The following UQCC1 variants were observed in gnomAD, a reference collection of about 807,000 sequenced individuals.
The protein encoded by UQCC1 is bFGF-repressed Zic-binding protein.
A neutral mutation model predicts 48.0 loss-of-function variants in UQCC1; 38 were observed. The ratio of observed to expected loss-of-function variants is 0.79; its 90% CI spans 0.61 to 1.04. The LOEUF (loss-of-function observed/expected upper bound fraction) is 1.04. UQCC1 is among the 50% of genes least tolerant of loss of function. UQCC1 has a pLI of 0.00. For missense variants in UQCC1, 368 were observed against 381.8 expected, an observed-to-expected ratio of 0.96 and a Z score of 0.30; for synonymous variants, 111 against 129.2, an observed-to-expected ratio of 0.86 and a Z score of 0.95.
chr20:35,401,806 T>C (rs931765801), intron 1 of UQCC1, among the ~76,000 whole-genome samples: 2 of 151,612 alleles, frequency 1.3e-5, no homozygotes, highest in African/African-American at 2.4e-5. Flanking sequence ...GGATTACAGG[T>C]ATGCGCCACC....
At chr20:35,339,358 G>A (rs189570198) in intron 7 of UQCC1, among the ~76,000 whole-genome samples, 106 of 152,234 alleles carry the variant, frequency 7.0e-4, no homozygotes, top group African/African-American at 2.5e-3. Context: ...GAAGGGAGTG[G>A]CCAGATATAT....
intron 7 of UQCC1, among the ~76,000 whole-genome samples, chr20:35,332,669 A>G (rs1475994502): frequency 6.6e-6 from 1 of 152,252 alleles, no homozygotes; most frequent in Non-Finnish European, 1.5e-5. Flanking sequence ...CACACCAGAC[A>G]GGTTACAAAG....
Position 35,361,766 on chromosome 20 carries a change from G to T in UQCC1, c.464+4791C>A, listed in dbSNP as rs77773266. 3.9e-3 allele frequency among the ~76,000 whole-genome samples: 601 copies of T among 152,214 alleles called. 2 individuals are homozygous for T. Among genetic ancestry groups the T allele is most frequent in the African/African-American group, 0.013 (545 of 41,526 alleles). ...GCCCCTGATCCCTCATATGTAAAAT[G>T]AGAATAAAGTAGTTGTGAGCATGTG... On this transcript the variant is annotated intron_variant, in intron 6 of 9. Coordinates refer to ENST00000374385, the MANE Select transcript of UQCC1 (RefSeq NM_018244.5).
chr20:35,354,440 A>C, intron 6 of UQCC1, among the ~76,000 whole-genome samples: 1 of 147,876 alleles, frequency 6.8e-6, no homozygotes, highest in African/African-American at 2.5e-5. Flanking sequence ...TCTGTCGCCC[A>C]GGCTGGAGTG....
At chr20:35,372,401 A>G (rs1011144331) in intron 5 of UQCC1, among the ~76,000 whole-genome samples, 4 of 152,200 alleles carry the variant, frequency 2.6e-5, no homozygotes, top group African/African-American at 9.6e-5. Context: ...GGACTAACTT[A>G]TCCTAGACTA....
intron 4 of UQCC1, among the ~76,000 whole-genome samples, chr20:35,379,247 T>A (rs536614182): frequency 6.6e-6 from 1 of 152,252 alleles, no homozygotes; most frequent in Admixed American, 6.5e-5. Flanking sequence ...GAATAACACA[T>A]GAAACCTAAA....
intron 7 of UQCC1, among the ~76,000 whole-genome samples, chr20:35,330,457 T>G (rs2061244234): frequency 6.6e-6 from 1 of 152,218 alleles, no homozygotes; most frequent in Admixed American, 6.5e-5. Flanking sequence ...GCTTGGCAAT[T>G]CTGACCAGCT....
At chr20:35,407,680 G>A (rs1601044662) in intron 1 of UQCC1, among the ~76,000 whole-genome samples, 1 of 152,312 alleles carries the variant, frequency 6.6e-6, no homozygotes. Context: ...GAGGTCAGGA[G>A]TTCAAGACCC....
intron 1 of UQCC1, among the ~76,000 whole-genome samples, chr20:35,398,769 GCGGT>G (rs2062119187): frequency 4.0e-5 from 4 of 99,366 alleles, no homozygotes; most frequent in African/African-American, 1.8e-4. Flanking sequence ...GGGGGGGGGG[GCGGT>G]GCAGGGGGAG....
chr20:35,315,804 T>G (rs917980053), intron 7 of UQCC1, among the ~76,000 whole-genome samples: 1 of 152,134 alleles, frequency 6.6e-6, no homozygotes, highest in African/African-American at 2.4e-5. Context: ...GTGCATCACT[T>G]GAGCCTGGGA....
rs367765119 is a variant in UQCC1, at chr20:35,366,621, A to G, written c.407-7T>C. The G allele has an allele frequency of 3.0e-5, 48 of 1,612,404 alleles. No individual in the cohort carries two copies. In the African/African-American group the frequency reaches 5.9e-4, roughly 20 times the overall value. On this transcript the variant is annotated splice_region_variant and splice_polypyrimidine_tract_variant and intron_variant, in intron 5 of 9. Coordinates refer to ENST00000374385, the MANE Select transcript of UQCC1 (RefSeq NM_018244.5). ...GTATCAGGCATCTGACACCCTAGAA[A>G]ATAACAATAAGGTATAAGTATGTGA...
chr20:35,341,016 G>A (rs2146371175), intron 7 of UQCC1, among the ~76,000 whole-genome samples: 1 of 152,132 alleles, frequency 6.6e-6, no homozygotes, highest in East Asian at 1.9e-4. Flanking sequence ...ATCACCTGAG[G>A]TCAGGAGTTC....
chr20:35,386,996 G>C (rs930725923), intron 2 of UQCC1, among the ~76,000 whole-genome samples: 2 of 152,034 alleles, frequency 1.3e-5, no homozygotes, highest in Non-Finnish European at 2.9e-5. Flanking sequence ...ATATCAATAG[G>C]CTGGGCGTGG....
At chr20:35,382,157 AG>A (rs1288906864) in intron 3 of UQCC1, 132 bp from the exon 4 acceptor site, 2 of 560,130 alleles carry the variant, frequency 3.6e-6, no homozygotes, top group Non-Finnish European at 6.3e-6. Context: ...CCCAGGCTAA[AG>A]TGAAGTGGCA....
chr20:35,334,750 CTTTG>C (rs2061296966), intron 7 of UQCC1, among the ~76,000 whole-genome samples: 2 of 152,094 alleles, frequency 1.3e-5, no homozygotes, highest in South Asian at 4.1e-4. Flanking sequence ...ATGGGTAAAA[CTTTG>C]TTTGTGTCTG....
In UQCC1 at chr20:35,374,268, G is replaced by A. The variant is rs1006260538; in HGVS notation, c.334-12C>T. On this transcript the variant is annotated splice_polypyrimidine_tract_variant and intron_variant, in intron 4 of 9. Coordinates refer to ENST00000374385, the MANE Select transcript of UQCC1 (RefSeq NM_018244.5). Reference sequence around the variant, plus strand: ...GCAATCTTAATCTTCTAGACAAAGAGAATAAAACCAAACTCAAGACATGAC... The same window carrying A: ...GCAATCTTAATCTTCTAGACAAAGAAAATAAAACCAAACTCAAGACATGAC... The A allele has an allele frequency of 1.9e-6, 3 of 1,603,570 alleles. No individual in the cohort carries two copies. The highest frequency in any genetic ancestry group is 2.2e-5 in the East Asian group (1 of 44,474).
intron 7 of UQCC1, among the ~76,000 whole-genome samples, chr20:35,319,759 T>C (rs1330764200): frequency 2.0e-5 from 3 of 152,190 alleles, no homozygotes; most frequent in African/African-American, 7.2e-5. Context: ...GCAGGGCACA[T>C]GTTTAATTAA....
intron 8 of UQCC1, among the ~76,000 whole-genome samples, chr20:35,312,203 T>C (rs1029169350): frequency 1.3e-5 from 2 of 152,208 alleles, no homozygotes; most frequent in Non-Finnish European, 1.5e-5. Context: ...CGTCCACTTT[T>C]ATAATTGATA....
chr20:35,385,339 T>C (rs1405306096), intron 2 of UQCC1, among the ~76,000 whole-genome samples: 1 of 152,228 alleles, frequency 6.6e-6, no homozygotes, highest in Middle Eastern at 3.2e-3. Context: ...ACATTGCATT[T>C]AAAAACAATT....
Sources: gnomAD v4.1 joint callset for allele counts (sites outside exome capture counted in the v4.1 genomes callset) on GRCh38, gnomAD v4.1.1 for gene constraint, MANE v1.5 for transcripts, NCBI Gene and HGNC (gene_info 2026-07-23, HGNC 2026-07-21) for gene names.